Variants in DNAH10 observed in about 807,000 individuals in gnomAD.
DNAH10 encodes the protein dynein axonemal heavy chain 10.
A neutral mutation model predicts 506.6 loss-of-function variants in DNAH10; 348 were observed. The ratio of observed to expected loss-of-function variants is 0.69; its 90% CI spans 0.63 to 0.75. The LOEUF (loss-of-function observed/expected upper bound fraction) is 0.75. Ranked by LOEUF, DNAH10 falls within the 30% of genes least tolerant of loss-of-function variation. The pLI, the probability that DNAH10 is intolerant of heterozygous loss-of-function variation, is 0.00. For synonymous variants in DNAH10, 2,059 were observed against 2,198.6 expected, an observed-to-expected ratio of 0.94 and a Z score of 1.78; for missense variants, 5,179 against 5,787.1, an observed-to-expected ratio of 0.89 and a Z score of 3.41.
At position 123,820,603 on chromosome 12, in the gene DNAH10, G is replaced by A; in HGVS notation, c.4024G>A (p.Glu1342Lys). The A allele has an allele frequency of 6.2e-7, 1 of 1,613,922 alleles. No individual in the cohort carries two copies. The highest frequency in any genetic ancestry group is 8.5e-7 in the Non-Finnish European group (1 of 1,179,884). Residue 1342 changes from glutamate to lysine, a missense_variant, in exon 24 of 79, where the codon GAA becomes AAA. Coordinates refer to ENST00000673944, the MANE Select transcript of DNAH10 (RefSeq NM_001372106.1). ...DKGVELLGVY[E>K]RELARHEKSR... ...AGGAGTAGAGCTTTTAGGTGTTTAT[G>A]AAAGAGAGCTGGCAAGACATGAAAA... is the stretch of plus-strand genomic sequence containing the variant.
rs530002383 is a variant in DNAH10 at position 123,902,861 on chromosome 12, G to C, written c.9641-78G>C. 4 of 1,475,614 alleles carry C rather than the reference G, an allele frequency of 2.7e-6. No homozygotes were observed. The African/African-American group carries it at 5.7e-5, about 21-fold the overall frequency. The allele number at this position is 1,475,614 out of a possible 1,614,324, so 91.4% of individuals were successfully genotyped here. On this transcript the variant is annotated intron_variant, in intron 56 of 78. Transcript: ENST00000673944. This position sits in a 1 kb window ranked among gnomAD's most constrained non-coding sequence, Gnocchi z 4.5. The stretch of plus-strand genomic sequence containing the variant: ...GGGCTCAAGCCAACCTTTGAGGACT[G>C]CACTCTGCTCAGAGCCGGGGCCGCG...
At chr12:123,895,554 T>A (rs1157351847) in intron 54 of DNAH10, among the ~76,000 whole-genome samples, 1 of 152,222 alleles carries the variant, frequency 6.6e-6, no homozygotes, top group East Asian at 1.9e-4. Flanking sequence ...TTCTGCCATT[T>A]TATCATGAAA....
rs2136463786 is a variant in DNAH10, at chr12:123,826,912, T to G, written c.4391+14T>G. 6.2e-7 allele frequency: 1 copy of G among 1,604,126 alleles called. No individual in the cohort carries two copies. Among genetic ancestry groups the G allele is most frequent in the East Asian group, 2.2e-5 (1 of 44,754 alleles). ...ACTAAGAGACAGGTTTGTTTTGTCC[T>G]CTGTCCGCAGATGTAAAAGTGTGGG... On this transcript the variant is annotated intron_variant, in intron 25 of 78. Transcript: ENST00000673944.
chr12:123,776,623 G>A (rs1477116682), intron 5 of DNAH10, among the ~76,000 whole-genome samples: 1 of 146,968 alleles, frequency 6.8e-6, no homozygotes, highest in African/African-American at 2.6e-5. Flanking sequence ...GTGACAGAGA[G>A]ATATTCCATC....
Position 123,903,550 on chromosome 12 carries a change from G to A in DNAH10, c.9815+437G>A, listed in dbSNP as rs1257608472. The stretch of plus-strand genomic sequence containing the variant: ...ATGCCTGAATCCATTTCCAGCCAAG[G>A]AAGCTTTCAAGGAGGGTGAGAGTAG... On this transcript the variant is annotated intron_variant, in intron 57 of 78. Transcript: ENST00000673944. This position sits in a 1 kb window ranked among gnomAD's most constrained non-coding sequence, Gnocchi z 4.6. Among the ~76,000 whole-genome samples the A allele has an allele frequency of 6.6e-6, 1 of 152,222 alleles. No homozygotes were observed. The highest frequency in any genetic ancestry group is 1.5e-5 in the Non-Finnish European group (1 of 68,036).
At chr12:123,816,725 G>A (rs2136385046) in intron 21 of DNAH10, among the ~76,000 whole-genome samples, 1 of 152,254 alleles carries the variant, frequency 6.6e-6, no homozygotes, top group East Asian at 1.9e-4. Flanking sequence ...GTGTACCCTG[G>A]GCACCTAATA....
chr12:123,841,589 A>G (rs1459789813), intron 30 of DNAH10, 44 bp downstream of exon 30: 1 of 1,554,650 alleles, frequency 6.4e-7, no homozygotes, highest in Non-Finnish European at 8.8e-7. Flanking sequence ...TCCAATTCAT[A>G]GTCATAATGG....
At chr12:123,826,518 T>C (rs1196937364) in intron 24 of DNAH10, among the ~76,000 whole-genome samples, 169 bp from the exon 25 acceptor site, 1 of 152,242 alleles carries the variant, frequency 6.6e-6, no homozygotes. Context: ...TCTTTTCTTG[T>C]TGTTTTAGAT....
chr12:123,927,202 A>G, intron 69 of DNAH10: 1 of 195,486 alleles, frequency 5.1e-6, no homozygotes. Flanking sequence ...ATGCGTCACC[A>G]TGCCTGGCTA....
chr12:123,884,405 C>T (rs538245544), intron 51 of DNAH10, among the ~76,000 whole-genome samples: 1 of 152,186 alleles, frequency 6.6e-6, no homozygotes, highest in African/African-American at 2.4e-5. Context: ...GATAGACTGG[C>T]TGGCTCGTGG....
intron 64 of DNAH10, 125 bp from the exon 65 acceptor site, chr12:123,918,551 C>A: frequency 8.2e-7 from 1 of 1,216,456 alleles, no homozygotes; most frequent in Non-Finnish European, 1.1e-6. Context: ...CGCTCCCCTG[C>A]AGTCCCTGGA....
rs531274901 is a variant in DNAH10, at chr12:123,870,510, C to T, written c.7639+25C>T. Reference sequence around the variant, plus strand: ...GGTAAGTCAGAGTCAAATCCTTGTTCCTGGGTTTAGGAGTGTGTGATACTC... The same window carrying T: ...GGTAAGTCAGAGTCAAATCCTTGTTTCTGGGTTTAGGAGTGTGTGATACTC... On this transcript the variant is annotated intron_variant, in intron 44 of 78. Transcript: ENST00000673944. 1.2e-4 allele frequency: 195 copies of T among 1,608,530 alleles called. 1 individual carries two copies. In the South Asian group the frequency reaches 2.1e-3, roughly 18 times the overall value.
chr12:123,911,091 T>C (rs547113218), intron 59 of DNAH10, among the ~76,000 whole-genome samples: 1 of 149,146 alleles, frequency 6.7e-6, no homozygotes, highest in African/African-American at 2.5e-5. Context: ...ACACCTGTAC[T>C]GCCAGCTACT....
At chr12:123,822,657 G>A (rs752456007) in intron 24 of DNAH10, among the ~76,000 whole-genome samples, 4 of 152,052 alleles carry the variant, frequency 2.6e-5, no homozygotes, top group Non-Finnish European at 5.9e-5. Flanking sequence ...TATGAGATTT[G>A]TGATGAGGAA....
intron 24 of DNAH10, among the ~76,000 whole-genome samples, chr12:123,824,927 G>A (rs1959808390): frequency 6.6e-6 from 1 of 152,076 alleles, no homozygotes; most frequent in South Asian, 2.1e-4. Context: ...GCATTTTTGG[G>A]GGACGCTATT....
Position 123,864,664 on chromosome 12 carries a change from C to T in DNAH10, c.6978C>T (p.Asn2326=). ...VENMNSVMDD[N]RLLTLANGER... ...ACATGAATTCTGTGATGGATGACAA[C>T]AGGTTGTTGACATTGGCCAACGGGG... Residue 2326 remains asparagine (N), a synonymous_variant, in exon 40 of 79, where the codon AAC becomes AAT. Coordinates refer to ENST00000673944, the MANE Select transcript of DNAH10 (RefSeq NM_001372106.1). 2.5e-6 allele frequency: 4 copies of T among 1,613,978 alleles called. No individual in the cohort carries two copies. The highest frequency in any genetic ancestry group is 3.4e-6 in the Non-Finnish European group (4 of 1,179,888).
chr12:123,914,243 G>C (rs1954359130), intron 60 of DNAH10, 86 bp from the exon 61 acceptor site: 1 of 1,229,406 alleles, frequency 8.1e-7, no homozygotes, highest in South Asian at 1.4e-5. Context: ...CTGTTAGCAA[G>C]GTATCAAGCT....
chr12:123,781,150 T>G lies in DNAH10; in HGVS notation c.692T>G (p.Val231Gly). 1 of 1,614,042 alleles carries G rather than the reference T, an allele frequency of 6.2e-7. No individual in the cohort carries two copies. Among genetic ancestry groups the G allele is most frequent in the Non-Finnish European group, 8.5e-7 (1 of 1,179,978 alleles). ...ACCGTGGGAGTCACATCTGGAGAAGTCTCTAATTCCTCTGAGCATGAATCA... is the reference window on the plus strand; with the variant it reads ...ACCGTGGGAGTCACATCTGGAGAAGGCTCTAATTCCTCTGAGCATGAATCA... ...STTVGVTSGE[V>G]SNSSEHESDL... Residue 231 changes from valine (V) to glycine (G), a missense_variant, in exon 6 of 79, where the codon GTC (valine) becomes GGC (glycine). Val to Gly is a moderately radical substitution (Grantham distance 109). This residue lies in a region of DNAH10 where 326 missense variants were observed against 330.8 expected (regional missense o/e 0.99). Coordinates refer to ENST00000673944, the MANE Select transcript of DNAH10 (RefSeq NM_001372106.1).
Position 123,928,648 on chromosome 12 carries a change from T to G in DNAH10, c.12306+61T>G. 6.6e-7 allele frequency: 1 copy of G among 1,512,496 alleles called. No individual in the cohort carries two copies. Among genetic ancestry groups the G allele is most frequent in the Non-Finnish European group, 8.9e-7 (1 of 1,121,108 alleles). The allele number at this position is 1,512,496 out of a possible 1,614,324, so 93.7% of individuals were successfully genotyped here. On this transcript the variant is annotated intron_variant, in intron 70 of 78. Transcript: ENST00000673944. The surrounding 1 kb of genome is among the most constrained non-coding windows in gnomAD (Gnocchi z 4.9). ...GCAGCTTCTCAGAACACCTGCATGCTGCTCTGGGGCCGGGGTGTGCCTTTG... is the reference window on the plus strand; with the variant it reads ...GCAGCTTCTCAGAACACCTGCATGCGGCTCTGGGGCCGGGGTGTGCCTTTG...
Sources: allele counts gnomAD v4.1 joint callset (sites outside exome capture counted in the v4.1 genomes callset), GRCh38; gene constraint gnomAD v4.1.1; regional missense constraint gnomAD v4.1.1; non-coding constraint Gnocchi (gnomAD v3.1); transcripts MANE v1.5; gene names NCBI Gene and HGNC (gene_info 2026-07-23, HGNC 2026-07-21).